The following MYO1E variants were observed in gnomAD, a reference collection of about 807,000 sequenced individuals.
MYO1E encodes unconventional myosin-Ie.
A neutral mutation model predicts 151.1 loss-of-function variants in MYO1E; 68 were observed. The observed-to-expected ratio is 0.45, with a 90% CI of 0.37 to 0.55. The LOEUF is 0.55. Ranked by LOEUF, MYO1E falls within the 20% of genes least tolerant of loss-of-function variation. The pLI is 0.00. For missense variants in MYO1E, 1,363 were observed against 1,389.3 expected (o/e 0.98, Z 0.30); for synonymous variants, 601 against 501.7 (o/e 1.20, Z -2.64).
rs1464139201 is a variant in MYO1E at position 59,133,473 on chromosome 15, T to G, written c.*3907A>C. 2.0e-5 allele frequency: 3 copies of G among 150,160 alleles called. No homozygotes were observed. Among genetic ancestry groups the G allele is most frequent in the African/African-American group, 7.4e-5 (3 of 40,744 alleles). The allele number at this position is 150,160 out of a possible 1,614,324, so 9.3% of individuals were successfully genotyped here. A position where few individuals can be genotyped will look rare whatever the true frequency, so the allele number is the denominator to read the frequency against. ...GACCTAGTGAACCATACTGAGCCAG[T>G]CTTCTTGTTAGAAAGGGTGCTCAGA... On this transcript the variant is annotated 3_prime_UTR_variant, in exon 28 of 28. Transcript: ENST00000288235.
chr15:59,208,444 A>C, intron 14 of MYO1E: 1 of 606,348 alleles, frequency 1.6e-6, no homozygotes, highest in Non-Finnish European at 3.0e-6. Context: ...GTTTATACCT[A>C]TGTTCATTTA....
chr15:59,208,292 T>A (rs1422472919), intron 14 of MYO1E: 5 of 581,814 alleles, frequency 8.6e-6, no homozygotes, highest in Non-Finnish European at 1.2e-5. Context: ...GTATTTTTGG[T>A]ACCTCTGATG....
At chr15:59,137,503 C>T (rs34801195) in intron 27 of MYO1E, 47 bp from the exon 28 acceptor site, 3 of 1,502,090 alleles carry the variant, frequency 2.0e-6, no homozygotes, top group African/African-American at 1.4e-5. Flanking sequence ...AAAGTCTGTT[C>T]TGCCCCAGCC....
rs1298604732 is a variant in MYO1E at position 59,372,706 on chromosome 15, G to A, written c.-206C>T. 4.9e-6 allele frequency: 3 copies of A among 612,180 alleles called. No individual in the cohort carries two copies. The South Asian group carries it at 6.4e-5, about 13-fold the overall frequency. The allele number at this position is 612,180 out of a possible 1,614,324, so 37.9% of individuals were successfully genotyped here. ...CGGTGCTAGGTGAGGGCGAGACGGC[G>A]GCGACTTAGCAGGCGGGGCGCATGC... On this transcript the variant is annotated 5_prime_UTR_variant, in exon 1 of 28. Coordinates refer to ENST00000288235, the MANE Select transcript of MYO1E (RefSeq NM_004998.4).
At chr15:59,319,563 T>TGGC (rs1223402608) in intron 1 of MYO1E, among the ~76,000 whole-genome samples, 1 of 79,732 alleles carries the variant, frequency 1.3e-5, no homozygotes, top group Non-Finnish European at 2.2e-5. Context: ...TTTTTTTTTT[T>TGGC]TTTTTTTTTT....
chr15:59,342,521 G>A (rs1315118822), intron 1 of MYO1E, among the ~76,000 whole-genome samples: 1 of 152,184 alleles, frequency 6.6e-6, no homozygotes, highest in Admixed American at 6.5e-5. Context: ...GGTGAAGTGT[G>A]TTGCTTGTAG....
At chr15:59,169,312 A>G (rs1465371283) in intron 22 of MYO1E, among the ~76,000 whole-genome samples, 1 of 152,222 alleles carries the variant, frequency 6.6e-6, no homozygotes, top group South Asian at 2.1e-4. Context: ...AACTGTTAAA[A>G]TCTTTCTCTA....
intron 3 of MYO1E, among the ~76,000 whole-genome samples, chr15:59,259,748 C>G (rs79487701): frequency 0.011 from 1,650 of 152,292 alleles, 34 homozygotes; most frequent in African/African-American, 0.037. Flanking sequence ...TTTCCAAACT[C>G]GTTTCCTATC....
chr15:59,267,709 C>T (rs1391041199), intron 2 of MYO1E, among the ~76,000 whole-genome samples: 5 of 152,298 alleles, frequency 3.3e-5, no homozygotes, highest in South Asian at 2.1e-4. Context: ...GAGTGCTTTG[C>T]GCAGGAACTC....
intron 1 of MYO1E, among the ~76,000 whole-genome samples, chr15:59,317,190 G>A (rs766089436): frequency 1.1e-4 from 16 of 152,230 alleles, no homozygotes; most frequent in Non-Finnish European, 1.6e-4. Context: ...TAAGTTGGCA[G>A]ATAGAGATGA....
intron 4 of MYO1E, among the ~76,000 whole-genome samples, chr15:59,238,672 A>G (rs1444114445): frequency 6.6e-6 from 1 of 151,992 alleles, no homozygotes; most frequent in East Asian, 1.9e-4. Context: ...CCTAGGTTCA[A>G]ATGATTCTCC....
intron 1 of MYO1E, among the ~76,000 whole-genome samples, chr15:59,313,046 G>A (rs967212641): frequency 1.3e-5 from 2 of 152,164 alleles, no homozygotes; most frequent in African/African-American, 2.4e-5. Flanking sequence ...CTGGGCATGG[G>A]GGTGGGGCCC....
intron 15 of MYO1E, among the ~76,000 whole-genome samples, chr15:59,202,986 T>G (rs760932464): frequency 1.3e-5 from 2 of 152,186 alleles, no homozygotes; most frequent in African/African-American, 2.4e-5. Context: ...ACTCAAGAGG[T>G]GCTCCTGCCT....
chr15:59,288,939 G>A (rs2080403673), intron 1 of MYO1E, among the ~76,000 whole-genome samples: 1 of 152,162 alleles, frequency 6.6e-6, no homozygotes, highest in Non-Finnish European at 1.5e-5. Context: ...AAAAAATTAA[G>A]GTGTTTAAAC....
rs2080767662 is a variant in MYO1E, at chr15:59,341,847, C to T, written c.3+30651G>A. Among the ~76,000 whole-genome samples the T allele has an allele frequency of 1.3e-5, 2 of 152,138 alleles. 1 individual carries two copies. Among genetic ancestry groups the T allele is most frequent in the Admixed American group, 1.3e-4 (2 of 15,276 alleles). On this transcript the variant is annotated intron_variant, in intron 1 of 27. Transcript: ENST00000288235. ...AACATGGGAGTGCAGCTATCTCTTC[C>T]ATATGCTTATATCCTTTCTTTAAGG...
chr15:59,256,535 T>C (rs1447751881), intron 3 of MYO1E, among the ~76,000 whole-genome samples, 157 bp from the exon 4 acceptor site: 2 of 152,096 alleles, frequency 1.3e-5, no homozygotes, highest in Admixed American at 6.6e-5. Context: ...ATCTTAAAGG[T>C]TGCATGATAC....
intron 22 of MYO1E, among the ~76,000 whole-genome samples, chr15:59,166,068 A>C (rs143575426): frequency 6.6e-6 from 1 of 152,362 alleles, no homozygotes; most frequent in African/African-American, 2.4e-5. Context: ...CAAGCAGGCC[A>C]AAACTTCAAG....
intron 1 of MYO1E, among the ~76,000 whole-genome samples, chr15:59,334,374 C>T (rs1159448649): frequency 6.6e-6 from 1 of 152,020 alleles, no homozygotes; most frequent in Non-Finnish European, 1.5e-5. Context: ...ATGGATACCC[C>T]ATTTATCCTG....
At chr15:59,224,211 C>T (rs1490184071) in intron 8 of MYO1E, among the ~76,000 whole-genome samples, 1 of 152,120 alleles carries the variant, frequency 6.6e-6, no homozygotes, top group Non-Finnish European at 1.5e-5. Flanking sequence ...ATGTGAAGGG[C>T]ATGGCACAGA....
Sources: allele counts gnomAD v4.1 joint callset (sites outside exome capture counted in the v4.1 genomes callset), GRCh38; gene constraint gnomAD v4.1.1; transcripts MANE v1.5; gene names NCBI Gene and HGNC (gene_info 2026-07-23, HGNC 2026-07-21).